SHTN1: variants seen among roughly 807,000 people sequenced by gnomAD.
SHTN1 encodes shootin 1, also known as shootin-1.
SHTN1 carries 42 observed loss-of-function variants against 83.1 expected under a neutral mutation model. The ratio of observed to expected loss-of-function variants is 0.51; its 90% CI spans 0.39 to 0.65. SHTN1 has a LOEUF of 0.65. Among genes scored for constraint, SHTN1 ranks in the 30% least tolerant of loss-of-function variants. The probability of loss-of-function intolerance (pLI) is 0.00; values close to 1 mark genes in which losing one functional copy is unlikely to be tolerated. For synonymous variants in SHTN1, 224 were observed against 247.7 expected, an observed-to-expected ratio of 0.90 and a Z score of 0.90; for missense variants, 622 against 737.8, an observed-to-expected ratio of 0.84 and a Z score of 1.82.
chr10:117,013,120 TAA>T (rs1203985841), intron 2 of SHTN1, among the ~76,000 whole-genome samples: 1 of 152,090 alleles, frequency 6.6e-6, no homozygotes, highest in Non-Finnish European at 1.5e-5. Context: ...AAGTCAAAAG[TAA>T]AAAAGATTAA....
At chr10:117,065,518 G>C (rs1428099114) in intron 1 of SHTN1, among the ~76,000 whole-genome samples, 1 of 151,262 alleles carries the variant, frequency 6.6e-6, no homozygotes, top group East Asian at 2.0e-4. Flanking sequence ...AGGAGTTTGA[G>C]ACCAGCCTGA....
chr10:117,090,637 A>T (rs532333718), intron 1 of SHTN1, among the ~76,000 whole-genome samples: 1 of 152,308 alleles, frequency 6.6e-6, no homozygotes, highest in South Asian at 2.1e-4. Context: ...TTCAGAAGGG[A>T]ATAAGGGCTG....
At position 117,018,499 on chromosome 10, in the gene SHTN1, A is replaced by ATTTT. The variant is rs144955533; in HGVS notation, c.-123+29942_-123+29945dup. Among the ~76,000 whole-genome samples the ATTTT allele has an allele frequency of 3.0e-5, 2 of 66,826 alleles. 1 individual carries two copies. Among genetic ancestry groups the ATTTT allele is most frequent in the Non-Finnish European group, 6.9e-5 (2 of 29,152 alleles). 43.8% of individuals were successfully genotyped at this position (66,826 alleles called of 152,430 possible). On this transcript the variant is annotated intron_variant, in intron 2 of 17. Transcript: ENST00000392901. ...TCAATCTGATAAAGGGTGTATGTGT[A>ATTTT]TTTTTTTTAAAAAAAAAAAAAAAAG... is the stretch of plus-strand genomic sequence containing the variant.
intron 1 of SHTN1, among the ~76,000 whole-genome samples, chr10:117,052,022 A>ATATATATATATATATAT (rs1237393233): frequency 2.2e-5 from 3 of 138,744 alleles, no homozygotes; most frequent in African/African-American, 7.8e-5. Context: ...ATATATATAT[A>ATATATATATATATATAT]GAAAAGCCTA....
intron 2 of SHTN1, among the ~76,000 whole-genome samples, chr10:117,037,598 T>A (rs951975969): frequency 4.6e-5 from 7 of 152,188 alleles, no homozygotes; most frequent in African/African-American, 1.7e-4. Flanking sequence ...ATAGCCAATA[T>A]CATATTGAAG....
chr10:116,968,934 T>C (rs763249256), intron 2 of SHTN1, among the ~76,000 whole-genome samples: 1 of 152,218 alleles, frequency 6.6e-6, no homozygotes, highest in Non-Finnish European at 1.5e-5. Flanking sequence ...TTCTAAGATA[T>C]AAGTCACCTT....
upstream of SHTN1, among the ~76,000 whole-genome samples, chr10:117,007,554 CAAAAAAAAAAA>C (rs35941784): frequency 2.4e-4 from 4 of 16,372 alleles, no homozygotes; most frequent in East Asian, 5.2e-3. Flanking sequence ...GACTCCATCT[CAAAAAAAAAAA>C]AAAAAAAAAA....
intron 4 of SHTN1, among the ~76,000 whole-genome samples, chr10:116,955,100 CAA>C (rs59777387): frequency 4.8e-4 from 42 of 87,730 alleles, no homozygotes; most frequent in African/African-American, 6.8e-4. Context: ...TACTTCACAG[CAA>C]AAAAAAAAAA....
chr10:117,047,231 A>AT lies in SHTN1; in HGVS notation c.-123+1213dup, dbSNP rs575220614. On this transcript the variant is annotated intron_variant, in intron 2 of 17. Coordinates refer to the SHTN1 transcript ENST00000392901. ...AGGTGCCCAGCACCATGCCTGGCTA[A>AT]TTTTTTTGTATTTTTGGTAGAGGTG... 8.9e-4 allele frequency among the ~76,000 whole-genome samples: 135 copies of AT among 152,016 alleles called. 1 individual carries two copies. Among genetic ancestry groups the AT allele is most frequent in the African/African-American group, 3.2e-3 (131 of 41,484 alleles).
chr10:116,928,778 C>T (rs1848842158), intron 10 of SHTN1, among the ~76,000 whole-genome samples: 2 of 152,148 alleles, frequency 1.3e-5, no homozygotes, highest in Non-Finnish European at 2.9e-5. Context: ...TGTGCATGCA[C>T]CTATCCCTCC....
chr10:117,029,608 C>T (rs1254094397), intron 2 of SHTN1, among the ~76,000 whole-genome samples: 1 of 152,080 alleles, frequency 6.6e-6, no homozygotes, highest in Admixed American at 6.6e-5. Context: ...AGCACCATCC[C>T]CTTGATGCTG....
At chr10:117,084,631 C>G (rs1313369138) in intron 1 of SHTN1, among the ~76,000 whole-genome samples, 1 of 152,222 alleles carries the variant, frequency 6.6e-6, no homozygotes, top group Non-Finnish European at 1.5e-5. Flanking sequence ...AGTCCCTCCC[C>G]CAGCCTCGCT....
chr10:116,939,485 A>G (rs1303575658), intron 9 of SHTN1, among the ~76,000 whole-genome samples: 2 of 152,162 alleles, frequency 1.3e-5, no homozygotes, highest in African/African-American at 4.8e-5. Flanking sequence ...CTCACCCTTC[A>G]TGGGCTGCAC....
intron 2 of SHTN1, among the ~76,000 whole-genome samples, chr10:116,974,763 A>C (rs1449576512): frequency 3.3e-5 from 5 of 150,630 alleles, no homozygotes; most frequent in Admixed American, 6.6e-5. Context: ...CTCCACACAC[A>C]CCCCCACCCC....
intron 7 of SHTN1, among the ~76,000 whole-genome samples, chr10:116,947,606 C>T (rs575307430): frequency 6.2e-4 from 94 of 152,242 alleles, no homozygotes; most frequent in Non-Finnish European, 1.2e-3. Context: ...AACACTATGA[C>T]GATCTGAAGC....
chr10:117,122,591 C>A lies in SHTN1; in HGVS notation c.-189+3716G>T, dbSNP rs1336662836. Among the ~76,000 whole-genome samples the A allele has an allele frequency of 2.0e-5, 3 of 152,348 alleles. No homozygotes were observed. The East Asian group carries it at 5.8e-4, about 29-fold the overall frequency. ...GCAAAGCAAAACCACAATGAGGCAT[C>A]ACCTCACATCTCTTAGGACAATACT... On this transcript the variant is annotated intron_variant, in intron 1 of 17. Transcript: ENST00000392901.
chr10:117,037,837 C>G (rs796680545), intron 2 of SHTN1, among the ~76,000 whole-genome samples: 2 of 151,792 alleles, frequency 1.3e-5, no homozygotes, highest in African/African-American at 2.4e-5. Context: ...GAAACCCCAT[C>G]TCTACTAAAA....
At chr10:117,045,065 G>C (rs1293602349) in intron 2 of SHTN1, among the ~76,000 whole-genome samples, 1 of 152,120 alleles carries the variant, frequency 6.6e-6, no homozygotes. Context: ...CATCTTTGAT[G>C]AGTATTAGTG....
chr10:117,125,704 T>C (rs1405845465), intron 1 of SHTN1, among the ~76,000 whole-genome samples: 1 of 152,166 alleles, frequency 6.6e-6, no homozygotes, highest in African/African-American at 2.4e-5. Flanking sequence ...GATGCCCTGG[T>C]TAAGAACCCA....
Sources: allele counts gnomAD v4.1 joint callset (sites outside exome capture counted in the v4.1 genomes callset), GRCh38; gene constraint gnomAD v4.1.1; transcripts MANE v1.5; gene names NCBI Gene and HGNC (gene_info 2026-07-23, HGNC 2026-07-21).